Variants in PFDN1 observed in about 807,000 individuals in gnomAD.
The protein encoded by PFDN1 is prefoldin 1.
In PFDN1, 6 loss-of-function variants were observed where a neutral mutation model predicts 17.3. That is an observed-to-expected ratio of 0.35 (90% CI 0.19 to 0.69). The LOEUF is 0.69. PFDN1 is among the 30% of genes least tolerant of loss of function. The pLI, the probability that PFDN1 is intolerant of heterozygous loss-of-function variation, is 0.65. For missense variants in PFDN1, 113 were observed against 146.2 expected, an observed-to-expected ratio of 0.77 and a Z score of 1.17; for synonymous variants, 58 against 50.1, an observed-to-expected ratio of 1.16 and a Z score of -0.67.
chr5:140,256,290 G>C (rs982188966), intron 3 of PFDN1, among the ~76,000 whole-genome samples: 1 of 151,996 alleles, frequency 6.6e-6, no homozygotes, highest in African/African-American at 2.4e-5. Context: ...TGAGGCATGA[G>C]AATCGCTTGA....
chr5:140,248,449 T>C (rs1425983526), intron 3 of PFDN1, among the ~76,000 whole-genome samples: 2 of 152,234 alleles, frequency 1.3e-5, no homozygotes. Flanking sequence ...AAAGAATGTA[T>C]GTCCACTGGG....
Position 140,254,641 on chromosome 5 carries a change from A to G in PFDN1, c.286-8584T>C, listed in dbSNP as rs1232756850. 6.6e-6 allele frequency among the ~76,000 whole-genome samples: 1 copy of G among 152,182 alleles called. No homozygotes were observed. Among genetic ancestry groups the G allele is most frequent in the Non-Finnish European group, 1.5e-5 (1 of 68,030 alleles). On this transcript the variant is annotated intron_variant, in intron 3 of 3. Transcript: ENST00000261813. The surrounding 1 kb of genome is among the most constrained non-coding windows in gnomAD (Gnocchi z 4.4). ...CACAATTTTACAGTTATCCCACCTC[A>G]GCCACCTGGTCCATGGTCATGCCCT...
intron 2 of PFDN1, among the ~76,000 whole-genome samples, chr5:140,293,881 T>C (rs1246353657): frequency 6.6e-6 from 1 of 152,082 alleles, no homozygotes; most frequent in Non-Finnish European, 1.5e-5. Context: ...TAAGTCATTT[T>C]TCCCTGCACA....
intron 2 of PFDN1, among the ~76,000 whole-genome samples, chr5:140,295,063 TA>T (rs939956474): frequency 6.0e-5 from 9 of 151,198 alleles, no homozygotes; most frequent in South Asian, 4.2e-4. Flanking sequence ...TTCCTCATAT[TA>T]AAAAAAAAGT....
intron 2 of PFDN1, among the ~76,000 whole-genome samples, chr5:140,285,646 G>GA (rs989314550): frequency 2.6e-5 from 4 of 151,426 alleles, no homozygotes; most frequent in African/African-American, 4.9e-5. Context: ...AGAAACAAAG[G>GA]AAAAAAAAAT....
At chr5:140,299,582 C>T (rs147425233) in intron 2 of PFDN1, among the ~76,000 whole-genome samples, 2,022 of 145,462 alleles carry the variant, frequency 0.014, 44 homozygotes, top group African/African-American at 0.046. Flanking sequence ...GGCAACAGAG[C>T]GAGACTCTGT....
chr5:140,299,454 G>C (rs1765705381), intron 2 of PFDN1, among the ~76,000 whole-genome samples: 1 of 151,950 alleles, frequency 6.6e-6, no homozygotes, highest in Admixed American at 6.6e-5. Context: ...ACAAAAATTA[G>C]CCGGGCATGG....
chr5:140,258,098 G>C (rs763310072), intron 3 of PFDN1, among the ~76,000 whole-genome samples: 1 of 152,200 alleles, frequency 6.6e-6, no homozygotes, highest in Non-Finnish European at 1.5e-5. Flanking sequence ...GGCTGAGTCA[G>C]ATCGTGTGGG....
At chr5:140,290,855 G>C (rs1201271495) in intron 2 of PFDN1, among the ~76,000 whole-genome samples, 1 of 152,170 alleles carries the variant, frequency 6.6e-6, no homozygotes, top group Non-Finnish European at 1.5e-5. Context: ...TGATACCATA[G>C]AGGGTAGAAG....
Position 140,300,398 on chromosome 5 carries a change from A to C in PFDN1, c.200+18T>G, listed in dbSNP as rs755365537. The C allele has an allele frequency of 1.9e-6, 3 of 1,555,292 alleles. No individual in the cohort carries two copies. The highest frequency in any genetic ancestry group is 1.4e-5 in the African/African-American group (1 of 73,414). Reference sequence around the variant, plus strand: ...AAGCACTCCCAAAATAACTCCATTAAGGACACATTTTACTTACATTCTTCC... The same window carrying C: ...AAGCACTCCCAAAATAACTCCATTACGGACACATTTTACTTACATTCTTCC... On this transcript the variant is annotated intron_variant, in intron 2 of 3. Coordinates refer to ENST00000261813, the MANE Select transcript of PFDN1 (RefSeq NM_002622.5).
chr5:140,282,491 T>A (rs1765425545), intron 2 of PFDN1, among the ~76,000 whole-genome samples: 1 of 151,928 alleles, frequency 6.6e-6, no homozygotes, highest in South Asian at 2.1e-4. Flanking sequence ...CATTAGTGTT[T>A]ATATGAGTTC....
intron 3 of PFDN1, among the ~76,000 whole-genome samples, chr5:140,263,970 G>A (rs1014857365): frequency 3.7e-5 from 5 of 135,752 alleles, no homozygotes; most frequent in Non-Finnish European, 7.7e-5. Context: ...GCAGTGAGCC[G>A]AGATTGCGCC....
chr5:140,273,815 G>A, intron 3 of PFDN1: 1 of 640,744 alleles, frequency 1.6e-6, no homozygotes, highest in Non-Finnish European at 1.9e-6. Flanking sequence ...GGTGAAAGGG[G>A]TGGTAACCAT....
chr5:140,249,913 A>G (rs1304380527), intron 3 of PFDN1, among the ~76,000 whole-genome samples: 2 of 152,152 alleles, frequency 1.3e-5, no homozygotes, highest in East Asian at 3.9e-4. Context: ...TGGGGATCAA[A>G]TTTTTTTGCG....
At chr5:140,264,020 C>CAAAAAAAAAAAAAAAAAAAAAAAAAA (rs58605224) in intron 3 of PFDN1, among the ~76,000 whole-genome samples, 2 of 55,560 alleles carry the variant, frequency 3.6e-5, no homozygotes, top group African/African-American at 9.0e-5. Flanking sequence ...GACTCCATCT[C>CAAAAAAAAAAAAAAAAAAAAAAAAAA]AAAAAAAAAA....
At chr5:140,262,839 A>G (rs1765083399) in intron 3 of PFDN1, among the ~76,000 whole-genome samples, 1 of 152,192 alleles carries the variant, frequency 6.6e-6, no homozygotes. Context: ...ACATTTGTTA[A>G]TTCTGAATGA....
At position 140,245,792 on chromosome 5, in the gene PFDN1, C is replaced by T. The variant is rs570375556; in HGVS notation, c.*182G>A. The T allele has an allele frequency of 2.9e-5, 18 of 614,058 alleles. No homozygotes were observed. Among genetic ancestry groups the T allele is most frequent in the Middle Eastern group, 4.3e-4 (1 of 2,306 alleles). The allele number at this position is 614,058 out of a possible 1,614,324, so 38.0% of individuals were successfully genotyped here. A position where few individuals can be genotyped will look rare whatever the true frequency, so the allele number is the denominator to read the frequency against. On this transcript the variant is annotated 3_prime_UTR_variant, in exon 4 of 4. Transcript: ENST00000261813. ...CCTGGGCAGAGGTGGCAGGCAAAGC[C>T]GGGTAAAAACTCCAGGGCTGGGAAG...
At chr5:140,279,143 G>T (rs888947724) in intron 3 of PFDN1, among the ~76,000 whole-genome samples, 3 of 152,260 alleles carry the variant, frequency 2.0e-5, no homozygotes, top group Non-Finnish European at 4.4e-5. Context: ...GTATATATAT[G>T]CATGTATGAA....
intron 2 of PFDN1, among the ~76,000 whole-genome samples, chr5:140,300,142 C>T (rs150932409): frequency 0.017 from 2,638 of 152,208 alleles, 98 homozygotes; most frequent in African/African-American, 0.06. Flanking sequence ...GGGGTTCAAG[C>T]GACTCTCCTG....
Sources: gnomAD v4.1 joint callset for allele counts (sites outside exome capture counted in the v4.1 genomes callset) on GRCh38, gnomAD v4.1.1 for gene constraint, Gnocchi (gnomAD v3.1) non-coding constraint, MANE v1.5 for transcripts, NCBI Gene and HGNC (gene_info 2026-07-23, HGNC 2026-07-21) for gene names.